SCFD1: variants seen among roughly 807,000 people sequenced by gnomAD.
SCFD1 encodes sec1 family domain-containing protein 1.
In SCFD1, 37 loss-of-function variants were observed where a neutral mutation model predicts 103.2. The ratio of observed to expected loss-of-function variants is 0.36; its 90% CI spans 0.28 to 0.47. The LOEUF (loss-of-function observed/expected upper bound fraction) is 0.47, where lower values mean the gene tolerates loss of function less well. Among genes scored for constraint, SCFD1 ranks in the 20% least tolerant of loss-of-function variants. The pLI is 1.00. For synonymous variants in SCFD1, 264 were observed against 245.0 expected, an observed-to-expected ratio of 1.08 and a Z score of -0.73; for missense variants, 639 against 761.2, an observed-to-expected ratio of 0.84 and a Z score of 1.89.
chr14:30,706,285 T>A (rs1309241429), intron 18 of SCFD1, among the ~76,000 whole-genome samples: 1 of 152,208 alleles, frequency 6.6e-6, no homozygotes, highest in Non-Finnish European at 1.5e-5. Context: ...ATTTATCCAT[T>A]TATCCATCTG....
At chr14:30,639,033 C>T (rs1238283709) in intron 5 of SCFD1, among the ~76,000 whole-genome samples, 1 of 152,118 alleles carries the variant, frequency 6.6e-6, no homozygotes, top group Non-Finnish European at 1.5e-5. Context: ...AATTTATTAA[C>T]TTCACATAAA....
intron 10 of SCFD1, among the ~76,000 whole-genome samples, chr14:30,655,403 G>A (rs73251181): frequency 0.017 from 2,527 of 152,218 alleles, 92 homozygotes; most frequent in African/African-American, 0.057. Context: ...ATATAATACA[G>A]GACTCTAGGG....
intron 8 of SCFD1, 126 bp downstream of exon 8, chr14:30,649,709 A>G: frequency 3.0e-6 from 2 of 668,940 alleles, no homozygotes; most frequent in Non-Finnish European, 5.1e-6. Context: ...AATAGCAAAT[A>G]TTTTTATTTT....
chr14:30,637,334 C>A (rs926647836), intron 4 of SCFD1, among the ~76,000 whole-genome samples: 2 of 151,992 alleles, frequency 1.3e-5, no homozygotes, highest in African/African-American at 4.8e-5. Flanking sequence ...AACATGGTTC[C>A]CAGTATCGTG....
At chr14:30,713,511 C>T (rs1283789553) in intron 19 of SCFD1, among the ~76,000 whole-genome samples, 2 of 152,104 alleles carry the variant, frequency 1.3e-5, no homozygotes, top group African/African-American at 4.8e-5. Flanking sequence ...GACTTGTCTT[C>T]AGATATAGCA....
intron 14 of SCFD1, chr14:30,683,476 T>C: frequency 2.4e-6 from 1 of 419,010 alleles, no homozygotes; most frequent in Non-Finnish European, 4.6e-6. Flanking sequence ...CTGCCACACA[T>C]TATGAGTCAT....
rs527872972 is a variant in SCFD1 at position 30,707,816 on chromosome 14, G to A, written c.1554-174G>A. The A allele has an allele frequency of 3.5e-5, 24 of 688,872 alleles. 1 individual carries two copies. Among genetic ancestry groups the A allele is most frequent in the Middle Eastern group, 4.8e-4 (2 of 4,196 alleles). The allele number at this position is 688,872 out of a possible 1,614,324, so 42.7% of individuals were successfully genotyped here. A position where few individuals can be genotyped will look rare whatever the true frequency, so the allele number is the denominator to read the frequency against. On this transcript the variant is annotated intron_variant, in intron 18 of 24. Coordinates refer to ENST00000458591, the MANE Select transcript of SCFD1 (RefSeq NM_016106.4). ...TATTTTATTGTTAAATAAAATTGCA[G>A]CTGTGATACCCATGGCAGCAGAAAT...
chr14:30,650,576 G>A lies in SCFD1; in HGVS notation c.681G>A (p.Lys227=), dbSNP rs1305991857. The change falls in exon 9 of 25, where the codon AAG becomes AAA. Residue 227 remains lysine, a synonymous_variant. Transcript: ENST00000458591. Reference sequence around the variant, plus strand: ...ATTTTATTTTTCAGAAACTAGACAAGAAACTTCGAGAAAATCTAAGAGATG... The same window carrying A: ...ATTTTATTTTTCAGAAACTAGACAAAAAACTTCGAGAAAATCTAAGAGATG... The part of the protein sequence containing the change: ...AAEMVAVKLD[K]KLRENLRDAR... 1 of 1,603,382 alleles carries A rather than the reference G, an allele frequency of 6.2e-7. No individual in the cohort carries two copies. The highest frequency in any genetic ancestry group is 8.5e-7 in the Non-Finnish European group (1 of 1,171,140).
intron 10 of SCFD1, among the ~76,000 whole-genome samples, chr14:30,665,953 C>T (rs961831132): frequency 6.6e-6 from 1 of 152,122 alleles, no homozygotes; most frequent in South Asian, 2.1e-4. Context: ...TAGACTCCCA[C>T]ACAATAATAA....
At chr14:30,635,043 C>A (rs1884582048) in intron 4 of SCFD1, 1 of 443,308 alleles carries the variant, frequency 2.3e-6, no homozygotes, top group East Asian at 7.0e-5. Flanking sequence ...AGGTAAGTAA[C>A]AGTGTCTTCC....
intron 19 of SCFD1, among the ~76,000 whole-genome samples, chr14:30,713,873 C>T (rs1160279562): frequency 6.6e-6 from 1 of 151,972 alleles, no homozygotes; most frequent in Non-Finnish European, 1.5e-5. Context: ...TTGCAAAGTA[C>T]TTCATTATCT....
chr14:30,702,321 C>T lies in SCFD1; in HGVS notation c.1436C>T (p.Ala479Val). ...SEADLEQYKK[A>V]LTDAGCNLNP... ...GCTGATTTGGAGCAATATAAAAAAG[C>T]TTTAACTGATGCAGGATGCAACCTT... is the stretch of plus-strand genomic sequence containing the variant. Residue 479 changes from alanine (A) to valine (V), a missense_variant, in exon 17 of 25, where the codon GCT (alanine) becomes GTT (valine). Coordinates refer to ENST00000458591, the MANE Select transcript of SCFD1 (RefSeq NM_016106.4). 1 of 1,600,844 alleles carries T rather than the reference C, an allele frequency of 6.2e-7. No individual in the cohort carries two copies. Among genetic ancestry groups the T allele is most frequent in the Non-Finnish European group, 8.5e-7 (1 of 1,173,524 alleles).
chr14:30,663,361 G>A (rs1222601843), intron 10 of SCFD1, among the ~76,000 whole-genome samples: 1 of 152,134 alleles, frequency 6.6e-6, no homozygotes, highest in Non-Finnish European at 1.5e-5. Context: ...TTGTTAGATA[G>A]TTTTTTAAAT....
At chr14:30,645,563 T>C (rs1885733646) in intron 7 of SCFD1, among the ~76,000 whole-genome samples, 1 of 152,218 alleles carries the variant, frequency 6.6e-6, no homozygotes. Flanking sequence ...GCTGTATTCC[T>C]AGGTATTTTC....
intron 2 of SCFD1, among the ~76,000 whole-genome samples, chr14:30,629,280 A>G (rs1883851364): frequency 6.6e-6 from 1 of 152,212 alleles, no homozygotes; most frequent in Non-Finnish European, 1.5e-5. Flanking sequence ...ACTAGAGCAG[A>G]AAGATTTTTA....
rs367806913 is a variant in SCFD1, at chr14:30,728,304, A to G, written c.1836+5745A>G. Reference sequence around the variant, plus strand: ...TCCAATACTTTGTGTTTGGTAAGGTATATAAGTTAGTCTGTGGTAGATAAT... The same window carrying G: ...TCCAATACTTTGTGTTTGGTAAGGTGTATAAGTTAGTCTGTGGTAGATAAT... On this transcript the variant is annotated intron_variant, in intron 23 of 24. Coordinates refer to ENST00000458591, the MANE Select transcript of SCFD1 (RefSeq NM_016106.4). Among the ~76,000 whole-genome samples the G allele has an allele frequency of 4.4e-4, 67 of 152,330 alleles. 2 individuals carry two copies. In the South Asian group the frequency reaches 0.014, roughly 31 times the overall value.
chr14:30,660,392 A>G (rs1887329968), intron 10 of SCFD1, among the ~76,000 whole-genome samples: 1 of 152,312 alleles, frequency 6.6e-6, no homozygotes, highest in Non-Finnish European at 1.5e-5. Flanking sequence ...GTTTTATTAC[A>G]TCAGGAGGTA....
At chr14:30,647,906 C>T (rs1489585463) in intron 7 of SCFD1, among the ~76,000 whole-genome samples, 1 of 152,180 alleles carries the variant, frequency 6.6e-6, no homozygotes, top group African/African-American at 2.4e-5. Flanking sequence ...CCGCCTCAGC[C>T]TCCCAAAGTG....
chr14:30,702,476 C>T (rs910501712), intron 17 of SCFD1, 101 bp downstream of exon 17: 2 of 657,098 alleles, frequency 3.0e-6, no homozygotes, highest in Admixed American at 3.2e-5. Flanking sequence ...CTGAACAATG[C>T]CTTGGTGGTT....
Sources: gnomAD v4.1 joint callset for allele counts (sites outside exome capture counted in the v4.1 genomes callset) on GRCh38, gnomAD v4.1.1 for gene constraint, MANE v1.5 for transcripts, NCBI Gene and HGNC (gene_info 2026-07-23, HGNC 2026-07-21) for gene names.